PTK2: variants seen among roughly 807,000 people sequenced by gnomAD.
The protein encoded by PTK2 is focal adhesion kinase 1.
Under a neutral mutation model 150.1 loss-of-function variants are expected in PTK2, and 45 were observed. That is an observed-to-expected ratio of 0.30 (90% CI 0.24 to 0.38). The LOEUF is 0.38. Ranked by LOEUF, PTK2 falls within the 10% of genes least tolerant of loss-of-function variation. The pLI is 1.00. For synonymous variants in PTK2, 432 were observed against 449.2 expected, an observed-to-expected ratio of 0.96 and a Z score of 0.48; for missense variants, 919 against 1,307.3, an observed-to-expected ratio of 0.70 and a Z score of 4.58.
chr8:140,735,317 A>G (rs1478740608), exon 22 of PTK2: 9 of 1,614,128 alleles, frequency 5.6e-6, no homozygotes, highest in Admixed American at 1.7e-5. Context: ...GCATTTCGTC[A>G]TAAGGCTGTA....
At chr8:140,879,675 TGAAA>T in intron 3 of PTK2, 38 bp from the exon 4 acceptor site, 1 of 37,208 alleles carries the variant, frequency 2.7e-5, no homozygotes, top group Non-Finnish European at 4.3e-5. Context: ...TGTTATAAAC[TGAAA>T]AAAAAAAAAA....
chr8:140,728,016 C>T (rs377072195), intron 22 of PTK2, among the ~76,000 whole-genome samples: 1 of 152,018 alleles, frequency 6.6e-6, no homozygotes, highest in South Asian at 2.1e-4. Flanking sequence ...GCCAACATGG[C>T]GAAACCCTGT....
At chr8:140,695,455 G>A (rs2100025959) in intron 26 of PTK2, among the ~76,000 whole-genome samples, 2 of 150,840 alleles carry the variant, frequency 1.3e-5, no homozygotes, top group African/African-American at 4.9e-5. Flanking sequence ...CTGTCACCCA[G>A]GCTGGAGTGT....
chr8:140,963,005 T>C (rs541657527), intron 1 of PTK2, among the ~76,000 whole-genome samples: 24 of 152,044 alleles, frequency 1.6e-4, no homozygotes, highest in African/African-American at 5.3e-4. Context: ...TATAAACAAT[T>C]TGAATGCATC....
intron 14 of PTK2, among the ~76,000 whole-genome samples, chr8:140,766,924 G>C (rs1182192539): frequency 2.6e-5 from 4 of 152,150 alleles, no homozygotes; most frequent in Non-Finnish European, 5.9e-5. Flanking sequence ...ACAGAAAGTT[G>C]AGATGTGCCC....
At chr8:140,935,572 C>T (rs1311022699) in intron 1 of PTK2, among the ~76,000 whole-genome samples, 1 of 152,142 alleles carries the variant, frequency 6.6e-6, no homozygotes, top group Non-Finnish European at 1.5e-5. Flanking sequence ...GGGTTCAAAG[C>T]TGAGTCCAAT....
chr8:140,810,942 G>A (rs2100101165), intron 10 of PTK2, among the ~76,000 whole-genome samples: 2 of 152,196 alleles, frequency 1.3e-5, no homozygotes, highest in Non-Finnish European at 2.9e-5. Context: ...ATGCTGCACA[G>A]TTGCCAACAG....
intron 2 of PTK2, among the ~76,000 whole-genome samples, chr8:140,923,243 G>A (rs535312867): frequency 3.9e-4 from 60 of 152,316 alleles, no homozygotes; most frequent in African/African-American, 1.4e-3. Context: ...TGAAACAGCA[G>A]CTATGGAAAT....
At chr8:140,877,066 TC>T (rs1334887605) in intron 4 of PTK2, among the ~76,000 whole-genome samples, 1 of 134,610 alleles carries the variant, frequency 7.4e-6, no homozygotes, top group Admixed American at 7.8e-5. Context: ...AGAGTCTTAC[TC>T]TGTCACCCAG....
At chr8:140,910,204 T>C (rs1348587806) in intron 2 of PTK2, among the ~76,000 whole-genome samples, 1 of 152,148 alleles carries the variant, frequency 6.6e-6, no homozygotes, top group African/African-American at 2.4e-5. Flanking sequence ...TTTTGTTTCT[T>C]AGAAAAATAA....
intron 2 of PTK2, among the ~76,000 whole-genome samples, chr8:140,893,396 C>T (rs1301063857): frequency 6.6e-6 from 1 of 152,226 alleles, no homozygotes; most frequent in African/African-American, 2.4e-5. Context: ...CAAATATCCA[C>T]ATCCATCAAT....
chr8:140,810,971 C>T (rs538185492), intron 10 of PTK2, among the ~76,000 whole-genome samples: 3 of 152,234 alleles, frequency 2.0e-5, no homozygotes, highest in Non-Finnish European at 2.9e-5. Flanking sequence ...CCACCCAAAC[C>T]GTGCTGCTAC....
chr8:140,875,191 C>T (rs554751978), intron 4 of PTK2, among the ~76,000 whole-genome samples: 197 of 152,238 alleles, frequency 1.3e-3, no homozygotes, highest in African/African-American at 4.5e-3. Flanking sequence ...AGAACATACT[C>T]AGCAGAGTCA....
Position 140,728,338 on chromosome 8 carries a change from A to G in PTK2, c.2030+6913T>C, listed in dbSNP as rs377128801. ...CGATTCTGTTACTGGTTACCTTAAA[A>G]TTAAATACAAATAACTATATATTTT... is the stretch of plus-strand genomic sequence containing the variant. On this transcript the variant is annotated intron_variant, in intron 22 of 31. Transcript: ENST00000522684. Among the ~76,000 whole-genome samples, 13 of 152,348 alleles carry G rather than the reference A, an allele frequency of 8.5e-5. No homozygotes were observed. In the East Asian group the frequency reaches 2.5e-3, roughly 29 times the overall value.
intron 14 of PTK2, among the ~76,000 whole-genome samples, chr8:140,767,840 G>T (rs1045379125): frequency 1.3e-5 from 2 of 152,126 alleles, no homozygotes; most frequent in African/African-American, 4.8e-5. Flanking sequence ...GGATTGTTAA[G>T]ATAGTATTAC....
intron 1 of PTK2, among the ~76,000 whole-genome samples, chr8:140,956,501 T>C (rs1334737546): frequency 6.6e-6 from 1 of 152,250 alleles, no homozygotes; most frequent in East Asian, 1.9e-4. Flanking sequence ...GGCTTATTTA[T>C]TGTGCACTTT....
At chr8:140,707,630 C>G (rs1032657925) in intron 23 of PTK2, among the ~76,000 whole-genome samples, 1 of 152,128 alleles carries the variant, frequency 6.6e-6, no homozygotes, top group African/African-American at 2.4e-5. Flanking sequence ...GTCTTGAACT[C>G]CTGGTCTTAA....
At chr8:140,947,665 C>G (rs1216055187) in intron 1 of PTK2, among the ~76,000 whole-genome samples, 1 of 151,786 alleles carries the variant, frequency 6.6e-6, no homozygotes, top group Non-Finnish European at 1.5e-5. Context: ...GGAAGAGCCA[C>G]CAAAAGATGA....
intron 2 of PTK2, among the ~76,000 whole-genome samples, chr8:140,909,327 A>C (rs988766572): frequency 6.6e-6 from 1 of 152,250 alleles, no homozygotes; most frequent in African/African-American, 2.4e-5. Flanking sequence ...AGACTAAATT[A>C]TCTCTACCTT....
Sources: gnomAD v4.1 joint callset for allele counts (sites outside exome capture counted in the v4.1 genomes callset) on GRCh38, gnomAD v4.1.1 for gene constraint, MANE v1.5 for transcripts, NCBI Gene and HGNC (gene_info 2026-07-23, HGNC 2026-07-21) for gene names.